The following CUL2 variants were observed in gnomAD, a reference collection of about 807,000 sequenced individuals.
CUL2 encodes the protein cullin-2.
In CUL2, 22 loss-of-function variants were observed where a neutral mutation model predicts 110.2. The ratio of observed to expected loss-of-function variants is 0.20; its 90% CI spans 0.14 to 0.28. The LOEUF (loss-of-function observed/expected upper bound fraction) is 0.28. CUL2 is among the 10% of genes least tolerant of loss of function. The pLI, the probability that CUL2 is intolerant of heterozygous loss-of-function variation, is 1.00. For synonymous variants in CUL2, 279 were observed against 293.2 expected (o/e 0.95, Z 0.49); for missense variants, 631 against 905.5 (o/e 0.70, Z 3.89).
chr10:35,074,569 C>T (rs1388136873), intron 1 of CUL2, among the ~76,000 whole-genome samples: 1 of 152,164 alleles, frequency 6.6e-6, no homozygotes, highest in African/African-American at 2.4e-5. Context: ...GCACTGCAAC[C>T]TCCACCTCCC....
intron 1 of CUL2, among the ~76,000 whole-genome samples, chr10:35,086,826 C>T (rs768076794): frequency 5.9e-5 from 9 of 152,198 alleles, no homozygotes; most frequent in Non-Finnish European, 1.2e-4. Flanking sequence ...TCTGTGTTCT[C>T]ATCCTATTTC....
At position 35,008,817 on chromosome 10, in the gene CUL2, T is replaced by C. The variant is rs1038478836; in HGVS notation, c.*1494A>G. ...ATATGAACCACATATTAGATGATAC[T>C]AAGTAATTATTGTTTTTGTTAGGAG... On this transcript the variant is annotated 3_prime_UTR_variant, in exon 21 of 21. Coordinates refer to ENST00000374749, the MANE Select transcript of CUL2 (RefSeq NM_003591.4). 1.3e-5 allele frequency: 2 copies of C among 152,208 alleles called. No individual in the cohort carries two copies. The highest frequency in any genetic ancestry group is 2.9e-5 in the Non-Finnish European group (2 of 68,048). The allele number at this position is 152,208 out of a possible 1,614,324, so 9.4% of individuals were successfully genotyped here. A position where few individuals can be genotyped will look rare whatever the true frequency, so the allele number is the denominator to read the frequency against.
At chr10:35,026,596 G>A (rs956244506) in intron 16 of CUL2, among the ~76,000 whole-genome samples, 47 of 151,914 alleles carry the variant, frequency 3.1e-4, no homozygotes, top group African/African-American at 1.0e-3. Flanking sequence ...TTTTATTGAC[G>A]ATAATATCAA....
At chr10:35,085,974 A>G (rs2087054530) in intron 1 of CUL2, among the ~76,000 whole-genome samples, 1 of 152,146 alleles carries the variant, frequency 6.6e-6, no homozygotes, top group South Asian at 2.1e-4. Flanking sequence ...CGGGTAACAA[A>G]CCTACGTGTG....
intron 14 of CUL2, 115 bp from the exon 15 acceptor site, chr10:35,029,755 C>A: frequency 1.5e-6 from 1 of 682,570 alleles, no homozygotes; most frequent in South Asian, 2.1e-5. Flanking sequence ...TGCATATACA[C>A]TTATACCCAA....
chr10:35,049,699 G>A lies in CUL2; in HGVS notation c.490C>T (p.Leu164Phe), dbSNP rs767335940. 1 of 1,612,766 alleles carries A rather than the reference G, an allele frequency of 6.2e-7. No individual in the cohort carries two copies. Among genetic ancestry groups the A allele is most frequent in the South Asian group, 1.1e-5 (1 of 90,854 alleles). ...PLQAILIRML[L>F]REIKNDRGGE... is the part of the protein sequence containing the mutation. Reference sequence around the variant, plus strand: ...AGCACTCACTTTTTGATTTCTCGGAGCAGCATTCGGATAAGGATGGCCTGA... The same window carrying A: ...AGCACTCACTTTTTGATTTCTCGGAACAGCATTCGGATAAGGATGGCCTGA... The change falls in exon 6 of 21, where the codon CTC (leucine) becomes TTC (phenylalanine). Residue 164 changes from leucine (L) to phenylalanine (F), a missense_variant. Leu to Phe is a conservative substitution (Grantham distance 22). Transcript: ENST00000374749.
In CUL2 at chr10:35,081,097, G is replaced by A. The variant is rs148599955; in HGVS notation, c.-23+9082C>T. On this transcript the variant is annotated intron_variant, in intron 1 of 20. Transcript: ENST00000374749. ...CTGGGCCCTCTGGTAACATGCGCCC[G>A]CAGGGAGTCCCAGCTACTCAGGAGG... 7.1e-4 allele frequency among the ~76,000 whole-genome samples: 108 copies of A among 152,108 alleles called. 1 individual carries two copies. The East Asian group carries it at 0.02, about 28-fold the overall frequency.
At chr10:35,037,881 C>A (rs12250573) in intron 9 of CUL2, among the ~76,000 whole-genome samples, 1 of 151,618 alleles carries the variant, frequency 6.6e-6, no homozygotes, top group South Asian at 2.1e-4. Context: ...TGGCCGGGCG[C>A]GGTGACTCAC....
rs201427131 is a variant in CUL2, at chr10:35,016,188, A to C, written c.1887+4T>G. 8.8e-5 allele frequency: 141 copies of C among 1,609,624 alleles called. No homozygotes were observed. Among genetic ancestry groups the C allele is most frequent in the Non-Finnish European group, 1.0e-4 (118 of 1,176,848 alleles). On this transcript the variant is annotated splice_donor_region_variant and intron_variant, in intron 18 of 20. Transcript: ENST00000374749. ...CTTAAATTCTTTGGAATATTACTACATACCTTTTCTGAATCATGGTTAATC... is the reference window on the plus strand; with the variant it reads ...CTTAAATTCTTTGGAATATTACTACCTACCTTTTCTGAATCATGGTTAATC...
intron 16 of CUL2, among the ~76,000 whole-genome samples, chr10:35,025,506 A>G (rs895475676): frequency 1.3e-5 from 2 of 152,214 alleles, no homozygotes; most frequent in African/African-American, 4.8e-5. Flanking sequence ...TAATACTAAC[A>G]TGGACTTTAT....
At chr10:35,078,340 G>A (rs2086871696) in intron 1 of CUL2, among the ~76,000 whole-genome samples, 1 of 150,544 alleles carries the variant, frequency 6.6e-6, no homozygotes, top group African/African-American at 2.4e-5. Flanking sequence ...TTGTTGCCCA[G>A]GCTGGAGTGC....
At chr10:35,055,508 G>A (rs2086220305) in intron 4 of CUL2, among the ~76,000 whole-genome samples, 1 of 152,196 alleles carries the variant, frequency 6.6e-6, no homozygotes, top group South Asian at 2.1e-4. Context: ...TGAGGCGGGA[G>A]GATCACTTGA....
chr10:35,121,142 C>T (rs1473004309), intron 1 of CUL2, among the ~76,000 whole-genome samples: 2 of 152,180 alleles, frequency 1.3e-5, no homozygotes, highest in Non-Finnish European at 2.9e-5. Flanking sequence ...TTCTAGCAGG[C>T]AATTCAGGAG....
intron 18 of CUL2, among the ~76,000 whole-genome samples, chr10:35,014,021 A>T (rs1213041994): frequency 6.6e-6 from 1 of 152,240 alleles, no homozygotes; most frequent in African/African-American, 2.4e-5. Context: ...CAGAATCTTA[A>T]GCAGTTTATG....
At chr10:35,071,776 G>A (rs915496260) in intron 1 of CUL2, among the ~76,000 whole-genome samples, 5 of 152,022 alleles carry the variant, frequency 3.3e-5, no homozygotes, top group African/African-American at 4.8e-5. Flanking sequence ...AAAAGAACCC[G>A]GCACACAACA....
At chr10:35,056,769 G>A (rs138718886) in intron 4 of CUL2, among the ~76,000 whole-genome samples, 11 of 152,230 alleles carry the variant, frequency 7.2e-5, no homozygotes, top group African/African-American at 2.6e-4. Flanking sequence ...CTTCCAATAC[G>A]GAATCTGCTC....
chr10:35,056,908 A>C (rs2086253584), intron 4 of CUL2, among the ~76,000 whole-genome samples: 1 of 152,188 alleles, frequency 6.6e-6, no homozygotes, highest in African/African-American at 2.4e-5. Context: ...GTCTTCCTAA[A>C]GTATGCATCA....
intron 1 of CUL2, among the ~76,000 whole-genome samples, chr10:35,106,444 C>T (rs189945553): frequency 6.6e-6 from 1 of 151,896 alleles, no homozygotes; most frequent in African/African-American, 2.4e-5. Context: ...CTCAGCGTCC[C>T]GAGTAGCTGT....
At chr10:35,040,633 G>A (rs1183456929) in intron 8 of CUL2, among the ~76,000 whole-genome samples, 1 of 152,152 alleles carries the variant, frequency 6.6e-6, no homozygotes, top group Non-Finnish European at 1.5e-5. Context: ...CAAAGTCACA[G>A]ACTCAGGTCG....
Sources: allele counts gnomAD v4.1 joint callset (sites outside exome capture counted in the v4.1 genomes callset), GRCh38; gene constraint gnomAD v4.1.1; transcripts MANE v1.5; gene names NCBI Gene and HGNC (gene_info 2026-07-23, HGNC 2026-07-21).